DGKG: variants seen among roughly 807,000 people sequenced by gnomAD.
The protein encoded by DGKG is diacylglycerol kinase gamma, also known as DAG kinase gamma.
A neutral mutation model predicts 105.3 loss-of-function variants in DGKG; 78 were observed. That is an observed-to-expected ratio of 0.74 (90% confidence interval 0.62 to 0.89). The LOEUF (loss-of-function observed/expected upper bound fraction) is 0.89, where lower values mean the gene tolerates loss of function less well. Ranked by LOEUF, DGKG falls within the 40% of genes least tolerant of loss-of-function variation. The probability of loss-of-function intolerance (pLI) is 0.00; values close to 1 mark genes in which losing one functional copy is unlikely to be tolerated. For missense variants in DGKG, 958 were observed against 1,020.1 expected (o/e 0.94, Z 0.83); for synonymous variants, 346 against 367.1 (o/e 0.94, Z 0.66).
intron 9 of DGKG, among the ~76,000 whole-genome samples, chr3:186,277,970 T>A (rs1245864999): frequency 1.3e-5 from 2 of 152,180 alleles, no homozygotes; most frequent in African/African-American, 4.8e-5. Flanking sequence ...ACTTTTAAAG[T>A]ACATATTTAA....
intron 2 of DGKG, among the ~76,000 whole-genome samples, chr3:186,314,440 T>A (rs1005255897): frequency 6.6e-6 from 1 of 152,172 alleles, no homozygotes; most frequent in Admixed American, 6.5e-5. Flanking sequence ...TTGGCATTGA[T>A]ATGGTTAAGA....
rs900600945 is a variant in DGKG, at chr3:186,148,400, G to A, written c.*1690C>T. 19 of 985,230 alleles carry A rather than the reference G, an allele frequency of 1.9e-5. No homozygotes were observed. Among genetic ancestry groups the A allele is most frequent in the East Asian group, 1.1e-4 (1 of 8,826 alleles). The allele number at this position is 985,230 out of a possible 1,614,324, so 61.0% of individuals were successfully genotyped here. A position where few individuals can be genotyped will look rare whatever the true frequency, so the allele number is the denominator to read the frequency against. ...GTCTGATGATCTGTTTAGTACCTTCGATCTCAGACCAACTTCTTTTCCATT... is the reference window on the plus strand; with the variant it reads ...GTCTGATGATCTGTTTAGTACCTTCAATCTCAGACCAACTTCTTTTCCATT... On this transcript the variant is annotated 3_prime_UTR_variant, in exon 25 of 25. Transcript: ENST00000265022.
rs752425227 is a variant in DGKG at position 186,306,908 on chromosome 3, G to A, written c.137C>T (p.Pro46Leu). The A allele has an allele frequency of 5.6e-6, 9 of 1,605,704 alleles. No individual in the cohort carries two copies. The highest frequency in any genetic ancestry group is 6.8e-6 in the Non-Finnish European group (8 of 1,172,630). The part of the protein sequence containing the change: ...NEGGSLKQYD[P>L]HEPISYDVFK... Reference sequence around the variant, plus strand: ...AAATGGAAATGTTCTTACCTCATGTGGGTCATATTGTTTGAGGCTCCCACC... The same window carrying A: ...AAATGGAAATGTTCTTACCTCATGTAGGTCATATTGTTTGAGGCTCCCACC... The change falls in exon 3 of 25, where the codon CCA becomes CTA. Residue 46 changes from proline (P) to leucine (L), a missense_variant. Physicochemically the swap from Pro to Leu is moderately conservative, Grantham distance 98. Coordinates refer to ENST00000265022, the MANE Select transcript of DGKG (RefSeq NM_001346.3).
chr3:186,353,203 C>T (rs959145046), intron 1 of DGKG, among the ~76,000 whole-genome samples: 24 of 152,106 alleles, frequency 1.6e-4, no homozygotes, highest in African/African-American at 4.8e-4. Context: ...AGGCCGAGGA[C>T]GTGACCCTTT....
intron 24 of DGKG, among the ~76,000 whole-genome samples, chr3:186,151,060 T>A (rs780348868): frequency 3.9e-5 from 6 of 152,216 alleles, no homozygotes; most frequent in Non-Finnish European, 7.3e-5. Flanking sequence ...GTCCAGACAC[T>A]TCCACTTCTT....
intron 5 of DGKG, among the ~76,000 whole-genome samples, chr3:186,295,228 C>T (rs866779495): frequency 6.6e-6 from 1 of 152,092 alleles, no homozygotes; most frequent in Admixed American, 6.5e-5. Flanking sequence ...ATAGGCTGGG[C>T]GGGGTGGCTC....
In DGKG at chr3:186,210,062, G is replaced by A. The variant is rs757902268; in HGVS notation, c.1917+1733C>T. 1.2e-4 allele frequency among the ~76,000 whole-genome samples: 18 copies of A among 152,178 alleles called. No individual in the cohort carries two copies. The highest frequency in any genetic ancestry group is 1.6e-4 in the Non-Finnish European group (11 of 68,044). On this transcript the variant is annotated intron_variant, in intron 21 of 24. Transcript: ENST00000265022. The surrounding 1 kb of genome is among the most constrained non-coding windows in gnomAD (Gnocchi z 5.2). The stretch of plus-strand genomic sequence containing the variant: ...TCTTTAGCAACGAGGCCCCCTCTGC[G>A]GTTGAGGAAGAGCCTCTGTCTCTCA...
intron 9 of DGKG, among the ~76,000 whole-genome samples, chr3:186,277,137 A>AGATTGAT (rs145964362): frequency 0.079 from 12,102 of 152,260 alleles, 670 homozygotes; most frequent in Non-Finnish European, 0.13. Context: ...ATTCATCAAA[A>AGATTGAT]GATTGATTCA....
chr3:186,182,580 C>G (rs16860529), intron 22 of DGKG, among the ~76,000 whole-genome samples: 23,919 of 152,178 alleles, frequency 0.16, 2,435 homozygotes, highest in African/African-American at 0.28. Flanking sequence ...TGCAAGTCCT[C>G]TAAGCTATAT....
intron 24 of DGKG, among the ~76,000 whole-genome samples, chr3:186,157,287 A>T (rs925804943): frequency 6.6e-6 from 1 of 152,124 alleles, no homozygotes; most frequent in Non-Finnish European, 1.5e-5. Context: ...TTAAACTAAT[A>T]GTAGAAGACT....
At chr3:186,248,846 G>C (rs549919304) in intron 19 of DGKG, among the ~76,000 whole-genome samples, 1 of 152,320 alleles carries the variant, frequency 6.6e-6, no homozygotes, top group South Asian at 2.1e-4. Context: ...CTAAGCTATG[G>C]TTCCTTCTTA....
chr3:186,160,011 C>T (rs1349857229), intron 24 of DGKG: 1 of 247,446 alleles, frequency 4.0e-6, no homozygotes, highest in African/African-American at 2.3e-5. Context: ...GCACCTTGGT[C>T]TTGTGTTGTC....
At chr3:186,153,682 T>C (rs969414390) in intron 24 of DGKG, among the ~76,000 whole-genome samples, 2 of 152,250 alleles carry the variant, frequency 1.3e-5, no homozygotes, top group Non-Finnish European at 2.9e-5. Context: ...CACATTCTTA[T>C]TACTTCAAGA....
rs534655214 is a variant in DGKG at position 186,265,238 on chromosome 3, A to G, written c.1269+9T>C. 6.2e-7 allele frequency: 1 copy of G among 1,613,396 alleles called. No homozygotes were observed. Reference sequence around the variant, plus strand: ...GAAGGTGCAATCGGATTTAGAGCTCATGAGGTACCTGCATGACAAGTTCGC... The same window carrying G: ...GAAGGTGCAATCGGATTTAGAGCTCGTGAGGTACCTGCATGACAAGTTCGC... On this transcript the variant is annotated intron_variant, in intron 14 of 24. Coordinates refer to ENST00000265022, the MANE Select transcript of DGKG (RefSeq NM_001346.3).
chr3:186,171,855 CTT>C (rs900954690), intron 22 of DGKG, among the ~76,000 whole-genome samples: 1 of 146,710 alleles, frequency 6.8e-6, no homozygotes, highest in Admixed American at 6.8e-5. Context: ...ATCCCAGTTG[CTT>C]TTTTTTTTTC....
intron 19 of DGKG, among the ~76,000 whole-genome samples, chr3:186,250,029 T>C (rs1045507064): frequency 4.6e-5 from 7 of 152,124 alleles, no homozygotes; most frequent in Non-Finnish European, 8.8e-5. Flanking sequence ...GGGTTTCATA[T>C]GCATGTGAAA....
chr3:186,261,464 G>A (rs1721770761), intron 15 of DGKG, among the ~76,000 whole-genome samples: 1 of 152,184 alleles, frequency 6.6e-6, no homozygotes, highest in Non-Finnish European at 1.5e-5. Context: ...TGTGGGCTAA[G>A]CACCGTGTCT....
At chr3:186,319,944 A>G (rs1725001347) in intron 2 of DGKG, among the ~76,000 whole-genome samples, 1 of 152,246 alleles carries the variant, frequency 6.6e-6, no homozygotes, top group Non-Finnish European at 1.5e-5. Flanking sequence ...ACAGTAAACG[A>G]TTGAGTAACA....
intron 24 of DGKG, chr3:186,158,572 TA>T (rs1457725802): frequency 2.1e-6 from 2 of 939,230 alleles, no homozygotes; most frequent in African/African-American, 3.5e-5. Context: ...TTTTGCCTTG[TA>T]AACTAGTTTA....
Sources: gnomAD v4.1 joint callset for allele counts (sites outside exome capture counted in the v4.1 genomes callset) on GRCh38, gnomAD v4.1.1 for gene constraint, Gnocchi (gnomAD v3.1) non-coding constraint, MANE v1.5 for transcripts, NCBI Gene and HGNC (gene_info 2026-07-23, HGNC 2026-07-21) for gene names.